The following TTC39C variants were observed in gnomAD, a reference collection of about 807,000 sequenced individuals.
The protein encoded by TTC39C is tetratricopeptide repeat protein 39C.
A neutral mutation model predicts 76.3 loss-of-function variants in TTC39C; 33 were observed. The observed-to-expected ratio is 0.43, with a 90% CI of 0.33 to 0.58. The LOEUF (loss-of-function observed/expected upper bound fraction) is 0.58, where lower values mean the gene tolerates loss of function less well. Ranked by LOEUF, TTC39C falls within the 20% of genes least tolerant of loss-of-function variation. TTC39C has a pLI of 0.04. For synonymous variants in TTC39C, 254 were observed against 260.6 expected (o/e 0.97, Z 0.24); for missense variants, 595 against 701.4 (o/e 0.85, Z 1.71).
intron 1 of TTC39C, chr18:24,019,730 G>T: frequency 1.4e-6 from 1 of 722,660 alleles, no homozygotes. Flanking sequence ...ATAAAGTTTT[G>T]AGACACAGCC....
intron 6 of TTC39C, among the ~76,000 whole-genome samples, chr18:24,104,142 G>A (rs2084715205): frequency 6.6e-6 from 1 of 152,122 alleles, no homozygotes; most frequent in South Asian, 2.1e-4. Flanking sequence ...ATGTTGGCTG[G>A]GCTGGTCTTG....
chr18:24,092,918 T>G (rs2084543127), intron 6 of TTC39C, among the ~76,000 whole-genome samples: 1 of 152,150 alleles, frequency 6.6e-6, no homozygotes, highest in Admixed American at 6.5e-5. Flanking sequence ...ACCCCATTTC[T>G]ACAAAAAATT....
intron 10 of TTC39C, 42 bp downstream of exon 10, chr18:24,125,592 C>G: frequency 6.2e-7 from 1 of 1,610,102 alleles, no homozygotes; most frequent in Non-Finnish European, 8.5e-7. Context: ...ACTGGACACA[C>G]TGGCTTCTTC....
chr18:24,069,315 A>G (rs765653548), intron 4 of TTC39C, 44 bp downstream of exon 4: 5 of 1,504,400 alleles, frequency 3.3e-6, no homozygotes, highest in Non-Finnish European at 3.7e-6. Context: ...TATTCAGTGC[A>G]CACAATTAGT....
At position 24,132,510 on chromosome 18, in the gene TTC39C, A is replaced by C; in HGVS notation, c.1688A>C (p.Glu563Ala). The change falls in exon 14 of 14, where the codon GAA (glutamate) becomes GCA (alanine). Residue 563 changes from glutamate (E) to alanine (A), a missense_variant. By Grantham distance (107) the Glu-to-Ala change is moderately radical. Coordinates refer to ENST00000317571, the MANE Select transcript of TTC39C (RefSeq NM_001135993.2). ...GAGGATTTCTCTGGCTACGACTTTG[A>C]AAACAGATTGCATGTCCGCATCCAT... ...AKEDFSGYDF[E>A]NRLHVRIHAA... 3.1e-6 allele frequency: 5 copies of C among 1,614,154 alleles called. No individual in the cohort carries two copies. Among genetic ancestry groups the C allele is most frequent in the African/African-American group, 1.3e-5 (1 of 75,054 alleles).
chr18:24,123,360 G>A (rs1361486673), intron 8 of TTC39C, among the ~76,000 whole-genome samples: 1 of 151,666 alleles, frequency 6.6e-6, no homozygotes, highest in Non-Finnish European at 1.5e-5. Context: ...GCAGGACGGT[G>A]CAGTCCTTTG....
chr18:24,028,993 G>A (rs554759480), intron 1 of TTC39C, among the ~76,000 whole-genome samples: 1 of 152,286 alleles, frequency 6.6e-6, no homozygotes, highest in African/African-American at 2.4e-5. Flanking sequence ...AAAGTGCTGC[G>A]ATTACAGGCA....
chr18:24,042,824 G>A (rs2083814121), intron 1 of TTC39C, among the ~76,000 whole-genome samples: 2 of 152,076 alleles, frequency 1.3e-5, no homozygotes, highest in African/African-American at 4.8e-5. Context: ...GTAAATAACG[G>A]GTGTGCCTAA....
At chr18:24,044,048 ATGTT>A (rs1568416335) in intron 1 of TTC39C, among the ~76,000 whole-genome samples, 1 of 96,350 alleles carries the variant, frequency 1.0e-5, no homozygotes, top group African/African-American at 4.0e-5. Flanking sequence ...GCATTTGTGT[ATGTT>A]TGTGTGTGTG....
In TTC39C at chr18:24,132,750, A is replaced by C. The variant is rs2085148339; in HGVS notation, c.*176A>C. The C allele has an allele frequency of 3.9e-6, 2 of 506,912 alleles. No homozygotes were observed. The highest frequency in any genetic ancestry group is 3.4e-6 in the Non-Finnish European group (1 of 290,504). 31.4% of individuals were successfully genotyped at this position (506,912 alleles called of 1,614,324 possible). A position where few individuals can be genotyped will look rare whatever the true frequency, so the allele number is the denominator to read the frequency against. On this transcript the variant is annotated 3_prime_UTR_variant, in exon 14 of 14. Transcript: ENST00000317571. ...ATCTCCTCTTTTAAACATGTAGCTG[A>C]AAAGTAATAATGATGTTGAGGAGGA... is the stretch of plus-strand genomic sequence containing the variant.
intron 10 of TTC39C, among the ~76,000 whole-genome samples, chr18:24,126,526 G>A (rs12966796): frequency 2.0e-5 from 3 of 151,650 alleles, no homozygotes; most frequent in East Asian, 1.9e-4. Flanking sequence ...ACAAAACTCC[G>A]TAAGAAGTTT....
chr18:24,119,962 T>C (rs921437110), intron 8 of TTC39C, among the ~76,000 whole-genome samples: 1 of 107,310 alleles, frequency 9.3e-6, no homozygotes, highest in African/African-American at 5.4e-5. Context: ...GGAACATTAA[T>C]TCCCCCCCCC....
chr18:24,099,536 C>T (rs943165027), intron 6 of TTC39C, among the ~76,000 whole-genome samples: 1 of 151,730 alleles, frequency 6.6e-6, no homozygotes, highest in African/African-American at 2.4e-5. Flanking sequence ...TGTAACTTAG[C>T]AATTAATATA....
intron 1 of TTC39C, among the ~76,000 whole-genome samples, chr18:24,007,918 T>C (rs1239232982): frequency 6.6e-6 from 1 of 152,054 alleles, no homozygotes; most frequent in African/African-American, 2.4e-5. Flanking sequence ...AAATAAATTG[T>C]ATAGGTTCTA....
rs542915656 is a variant in TTC39C at position 24,063,995 on chromosome 18, G to A, written c.168-145G>A. ...TTGCCTCTTTAACTTCTTTATTAGG[G>A]TAATTTAATCTGCTTGATGACCTTA... On this transcript the variant is annotated intron_variant, in intron 1 of 13. Transcript: ENST00000317571. 4.5e-6 allele frequency: 5 copies of A among 1,122,390 alleles called. No homozygotes were observed. In the African/African-American group the frequency reaches 8.0e-5, roughly 18 times the overall value. The allele number at this position is 1,122,390 out of a possible 1,614,324, so 69.5% of individuals were successfully genotyped here.
At chr18:24,079,742 T>C in intron 4 of TTC39C, among the ~76,000 whole-genome samples, 1 of 148,310 alleles carries the variant, frequency 6.7e-6, no homozygotes, top group East Asian at 2.1e-4. Context: ...CTTTTTTGCC[T>C]GCTTATTTTA....
intron 4 of TTC39C, among the ~76,000 whole-genome samples, chr18:24,075,711 A>C (rs1411796931): frequency 6.6e-6 from 1 of 151,868 alleles, no homozygotes. Context: ...AAACAAAAAA[A>C]AAACCTCTAT....
At chr18:24,099,100 T>C (rs1426857413) in intron 6 of TTC39C, 1 of 136,162 alleles carries the variant, frequency 7.3e-6, no homozygotes, top group African/African-American at 3.0e-5. Flanking sequence ...TATATACATA[T>C]ATATATATAA....
intron 6 of TTC39C, among the ~76,000 whole-genome samples, chr18:24,106,125 C>T (rs142547232): frequency 3.3e-5 from 5 of 152,142 alleles, no homozygotes; most frequent in Admixed American, 6.5e-5. Flanking sequence ...CCCTTATTTC[C>T]AAATAAGGTC....
Sources: gnomAD v4.1 joint callset for allele counts (sites outside exome capture counted in the v4.1 genomes callset) on GRCh38, gnomAD v4.1.1 for gene constraint, MANE v1.5 for transcripts, NCBI Gene and HGNC (gene_info 2026-07-23, HGNC 2026-07-21) for gene names.